Variants in KIAA0232 observed in about 807,000 individuals in gnomAD.
KIAA0232 encodes uncharacterized protein KIAA0232.
In KIAA0232, 27 loss-of-function variants were observed where a neutral mutation model predicts 122.0. The ratio of observed to expected loss-of-function variants is 0.22; its 90% CI spans 0.16 to 0.31. The LOEUF is 0.31. Among genes scored for constraint, KIAA0232 ranks in the 10% least tolerant of loss-of-function variants. KIAA0232 has a pLI of 1.00. For missense variants in KIAA0232, 1,551 were observed against 1,634.2 expected (o/e 0.95, Z 0.88); for synonymous variants, 613 against 587.6 (o/e 1.04, Z -0.63).
intron 2 of KIAA0232, among the ~76,000 whole-genome samples, chr4:6,813,947 C>G (rs975042812): frequency 2.6e-5 from 4 of 152,026 alleles, no homozygotes; most frequent in Non-Finnish European, 4.4e-5. Context: ...CCGGGCAGCA[C>G]AGAGCAATGT....
chr4:6,864,688 G>A (rs781691046), intron 7 of KIAA0232, among the ~76,000 whole-genome samples: 11 of 137,034 alleles, frequency 8.0e-5, no homozygotes, highest in Non-Finnish European at 1.4e-4. Flanking sequence ...GCAGTGAGCC[G>A]AGATCGTGTT....
intron 2 of KIAA0232, among the ~76,000 whole-genome samples, chr4:6,810,853 G>A (rs940423216): frequency 1.3e-5 from 2 of 152,180 alleles, no homozygotes; most frequent in African/African-American, 4.8e-5. Flanking sequence ...CCAGTCATCA[G>A]AGAAATGCAA....
At chr4:6,825,581 G>A (rs1402218599) in intron 3 of KIAA0232, among the ~76,000 whole-genome samples, 1 of 151,916 alleles carries the variant, frequency 6.6e-6, no homozygotes, top group African/African-American at 2.4e-5. Context: ...ACGAGAGAGA[G>A]AGAGAGAGAG....
chr4:6,828,860 C>T (rs1016048727), intron 3 of KIAA0232, among the ~76,000 whole-genome samples: 2 of 152,114 alleles, frequency 1.3e-5, no homozygotes, highest in African/African-American at 4.8e-5. Context: ...AAGACTTTCC[C>T]TTAGTCATAT....
intron 3 of KIAA0232, among the ~76,000 whole-genome samples, chr4:6,825,540 G>A (rs948768853): frequency 1.3e-5 from 2 of 152,026 alleles, no homozygotes; most frequent in African/African-American, 4.8e-5. Flanking sequence ...TGGCAACAGA[G>A]CAAGACCCTG....
chr4:6,803,383 A>T (rs1277424505), intron 1 of KIAA0232, among the ~76,000 whole-genome samples: 1 of 152,176 alleles, frequency 6.6e-6, no homozygotes, highest in Non-Finnish European at 1.5e-5. Context: ...ATTATCAAAC[A>T]TGAATGCCAA....
At chr4:6,809,766 T>A (rs541015831) in intron 2 of KIAA0232, among the ~76,000 whole-genome samples, 6 of 152,088 alleles carry the variant, frequency 3.9e-5, no homozygotes, top group Non-Finnish European at 8.8e-5. Context: ...CAAAAATCAG[T>A]AATATTTATA....
rs1240302554 is a variant in KIAA0232 at position 6,864,002 on chromosome 4, A to G, written c.3620A>G (p.Gln1207Arg). The G allele has an allele frequency of 3.1e-6, 5 of 1,614,046 alleles. No homozygotes were observed. The African/African-American group carries it at 6.7e-5, about 22-fold the overall frequency. Residue 1207 changes from glutamine to arginine, a missense_variant, in exon 7 of 10, where the codon CAA (glutamine) becomes CGA (arginine). Coordinates refer to ENST00000307659, the MANE Select transcript of KIAA0232 (RefSeq NM_014743.3). ...ESTGILSVGK[Q>R]NQCLECSMNE... ...ACTGGGATTCTTTCAGTAGGAAAGCAAAATCAGTGTTTGGAATGTAGCATG... is the reference window on the plus strand; with the variant it reads ...ACTGGGATTCTTTCAGTAGGAAAGCGAAATCAGTGTTTGGAATGTAGCATG...
At chr4:6,837,906 A>G (rs1165705873) in intron 3 of KIAA0232, among the ~76,000 whole-genome samples, 2 of 113,772 alleles carry the variant, frequency 1.8e-5, no homozygotes, top group East Asian at 2.2e-4. Context: ...AGACCGTGCA[A>G]AGGGGAGAGG....
chr4:6,818,634 G>A (rs1306293635), intron 2 of KIAA0232, among the ~76,000 whole-genome samples: 1 of 151,628 alleles, frequency 6.6e-6, no homozygotes, highest in Non-Finnish European at 1.5e-5. Flanking sequence ...CATTACAATG[G>A]CCATACAGCC....
Position 6,862,341 on chromosome 4 carries a change from G to A in KIAA0232, c.1959G>A (p.Val653=). ...ACTCTTGTTTTTCAGTGTTTGAAGT[G>A]CAATGCAGTAATTCTGTTTTACCAT... ...GINSCFSVFE[V]QCSNSVLPFS... is the part of the protein sequence containing the mutation. The change falls in exon 7 of 10, where the codon GTG becomes GTA. Residue 653 remains valine, a synonymous_variant. Transcript: ENST00000307659. 1 of 1,614,144 alleles carries A rather than the reference G, an allele frequency of 6.2e-7. No individual in the cohort carries two copies. The highest frequency in any genetic ancestry group is 8.5e-7 in the Non-Finnish European group (1 of 1,180,026).
intron 3 of KIAA0232, among the ~76,000 whole-genome samples, chr4:6,826,222 TGC>T (rs1225708726): frequency 2.0e-5 from 3 of 152,220 alleles, no homozygotes; most frequent in African/African-American, 7.2e-5. Context: ...CCAGGTTGCT[TGC>T]TGCCTTGGCT....
rs946370014 is a variant in KIAA0232, at chr4:6,855,594, A to G, written c.370-1570A>G. Reference sequence around the variant, plus strand: ...AGTATACATATTTACTCATATATTAATAAATATATGTGTGTATATGTAATT... The same window carrying G: ...AGTATACATATTTACTCATATATTAGTAAATATATGTGTGTATATGTAATT... On this transcript the variant is annotated intron_variant, in intron 4 of 9. Transcript: ENST00000307659. The surrounding 1 kb of genome is among the most constrained non-coding windows in gnomAD (Gnocchi z 4.3). Among the ~76,000 whole-genome samples the G allele has an allele frequency of 1.3e-5, 2 of 152,170 alleles. No homozygotes were observed. Among genetic ancestry groups the G allele is most frequent in the African/African-American group, 2.4e-5 (1 of 41,442 alleles).
intron 7 of KIAA0232, among the ~76,000 whole-genome samples, chr4:6,866,773 T>TTACTAAAGTCCCTG (rs1189674761): frequency 3.3e-5 from 5 of 152,226 alleles, no homozygotes. Flanking sequence ...TGAGTACCTG[T>TTACTAAAGTCCCTG]TTACATGCCT....
Position 6,882,663 on chromosome 4 carries a change from C to G in KIAA0232, c.*1697C>G, listed in dbSNP as rs972617026. On this transcript the variant is annotated 3_prime_UTR_variant, in exon 10 of 10. Coordinates refer to ENST00000307659, the MANE Select transcript of KIAA0232 (RefSeq NM_014743.3). The stretch of plus-strand genomic sequence containing the variant: ...GTGTGTGTGTGCGCGCGTGCGCGCG[C>G]GCATGTGTAAGGTTTTATGTTGCTG... 2 of 152,406 alleles carry G rather than the reference C, an allele frequency of 1.3e-5. No individual in the cohort carries two copies. The allele number at this position is 152,406 out of a possible 1,614,324, so 9.4% of individuals were successfully genotyped here.
chr4:6,821,791 A>C (rs925598548), intron 2 of KIAA0232, among the ~76,000 whole-genome samples: 2 of 152,030 alleles, frequency 1.3e-5, no homozygotes, highest in Non-Finnish European at 1.5e-5. Flanking sequence ...ATATTTTTGC[A>C]ATAGCAAATT....
In KIAA0232 at chr4:6,871,650, A is replaced by C; in HGVS notation, c.3878A>C (p.Tyr1293Ser). Reference sequence around the variant, plus strand: ...CAGACCTGGTGGGAAAAAGCCTTGTACTCTCCTCTTTTTCCTGCATCAGAG... The same window carrying C: ...CAGACCTGGTGGGAAAAAGCCTTGTCCTCTCCTCTTTTTCCTGCATCAGAG... ...EKQTWWEKAL[Y>S]SPLFPASECE... The change falls in exon 8 of 10, where the codon TAC (tyrosine) becomes TCC (serine). Residue 1293 changes from tyrosine to serine, a missense_variant. Transcript: ENST00000307659. The C allele has an allele frequency of 6.2e-7, 1 of 1,610,726 alleles. No individual in the cohort carries two copies. The highest frequency in any genetic ancestry group is 8.5e-7 in the Non-Finnish European group (1 of 1,177,150).
At chr4:6,840,968 G>A (rs6446545) in intron 3 of KIAA0232, among the ~76,000 whole-genome samples, 123,458 of 152,114 alleles carry the variant, frequency 0.81, 50,668 homozygotes, top group Non-Finnish European at 0.85. Flanking sequence ...GTACATTAAC[G>A]TAGTACATTA....
chr4:6,820,690 T>G lies in KIAA0232; in HGVS notation c.-269-3495T>G, dbSNP rs1718382743. On this transcript the variant is annotated intron_variant, in intron 2 of 9. Transcript: ENST00000307659. ...TTTTGTATTATTTTTGTTTAAGCAA[T>G]TGTCTTTTAAAGATATTTAAATAAT... 1.2e-4 allele frequency among the ~76,000 whole-genome samples: 18 copies of G among 152,268 alleles called. 1 individual carries two copies. The South Asian group carries it at 3.6e-3, about 31-fold the overall frequency.
Sources: gnomAD v4.1 joint callset for allele counts (sites outside exome capture counted in the v4.1 genomes callset) on GRCh38, gnomAD v4.1.1 for gene constraint, Gnocchi (gnomAD v3.1) non-coding constraint, MANE v1.5 for transcripts, NCBI Gene and HGNC (gene_info 2026-07-23, HGNC 2026-07-21) for gene names.